The following TUT4 variants were observed in gnomAD, a reference collection of about 807,000 sequenced individuals.
The protein encoded by TUT4 is terminal uridylyl transferase 4, also known as terminal uridylyltransferase 4.
Under a neutral mutation model 192.2 loss-of-function variants are expected in TUT4, and 36 were observed. That is an observed-to-expected ratio of 0.19 (90% CI 0.14 to 0.25). The LOEUF is 0.25. Ranked by LOEUF, TUT4 falls within the 10% of genes least tolerant of loss-of-function variation. The pLI is 1.00. For synonymous variants in TUT4, 618 were observed against 666.0 expected (o/e 0.93, Z 1.11); for missense variants, 1,493 against 1,957.2 (o/e 0.76, Z 4.47).
At chr1:52,519,447 A>G (rs550293885) in intron 2 of TUT4, among the ~76,000 whole-genome samples, 35 of 152,060 alleles carry the variant, frequency 2.3e-4, no homozygotes, top group Non-Finnish European at 4.7e-4. Flanking sequence ...TAGTGATGGC[A>G]GCGCAATTTT....
At chr1:52,538,062 C>A (rs1040725018) in intron 1 of TUT4, among the ~76,000 whole-genome samples, 1 of 152,002 alleles carries the variant, frequency 6.6e-6, no homozygotes, top group Non-Finnish European at 1.5e-5. Flanking sequence ...ATGGTGAAAC[C>A]CCGTCTCTAC....
intron 24 of TUT4, among the ~76,000 whole-genome samples, chr1:52,443,364 G>A (rs1434269002): frequency 3.3e-5 from 5 of 151,504 alleles, no homozygotes; most frequent in African/African-American, 4.9e-5. Context: ...TGAGATGGGC[G>A]GATCACCTGA....
chr1:52,461,250 G>T (rs1273316850), intron 18 of TUT4, 27 bp from the exon 19 acceptor site: 2 of 1,566,164 alleles, frequency 1.3e-6, no homozygotes, highest in African/African-American at 1.4e-5. Flanking sequence ...TATTTGAAAG[G>T]ATTTCAAATT....
intron 1 of TUT4, among the ~76,000 whole-genome samples, chr1:52,543,334 C>T (rs114461564): frequency 0.033 from 5,058 of 152,066 alleles, 285 homozygotes; most frequent in African/African-American, 0.12. Context: ...ATTCCATTTA[C>T]AATACCATCA....
chr1:52,495,896 T>C (rs1383421245), intron 5 of TUT4, among the ~76,000 whole-genome samples: 1 of 152,136 alleles, frequency 6.6e-6, no homozygotes, highest in Admixed American at 6.6e-5. Context: ...GTAAGAGCAC[T>C]TTGGGGAAAG....
chr1:52,494,185 CTT>C lies in TUT4; in HGVS notation c.1267-525_1267-524del, dbSNP rs534153018. On this transcript the variant is annotated intron_variant, in intron 6 of 29. Coordinates refer to ENST00000257177, the MANE Select transcript of TUT4 (RefSeq NM_001009881.3). ...ATAGCACTTTTATTCCAGAAACACT[CTT>C]AGAATTAATGGTTTCTTAAAGCAAG... Among the ~76,000 whole-genome samples, 535 of 152,104 alleles carry C rather than the reference CTT, an allele frequency of 3.5e-3. 2 individuals are homozygous for C. The highest frequency in any genetic ancestry group is 0.01 in the Middle Eastern group (3 of 292).
intron 4 of TUT4, among the ~76,000 whole-genome samples, chr1:52,497,766 A>T (rs1672826171): frequency 1.3e-5 from 2 of 152,242 alleles, no homozygotes; most frequent in South Asian, 4.1e-4. Flanking sequence ...TTTCTGATTT[A>T]AAAAATGTTA....
chr1:52,446,026 G>T, intron 22 of TUT4, 22 bp from the exon 23 acceptor site: 1 of 1,588,686 alleles, frequency 6.3e-7, no homozygotes, highest in Non-Finnish European at 8.6e-7. Flanking sequence ...ATATATCAAT[G>T]ATTAAGAATT....
chr1:52,491,513 C>A (rs187833756), intron 7 of TUT4, among the ~76,000 whole-genome samples: 20 of 152,020 alleles, frequency 1.3e-4, no homozygotes, highest in Admixed American at 3.3e-4. Flanking sequence ...GATGGTGAAA[C>A]CTCGTCTCTA....
chr1:52,423,801 AT>A lies in TUT4; in HGVS notation c.*133del. The A allele has an allele frequency of 1.3e-6, 2 of 1,543,476 alleles. No homozygotes were observed. The highest frequency in any genetic ancestry group is 2.4e-5 in the South Asian group (2 of 83,346). The stretch of plus-strand genomic sequence containing the variant: ...TGTTAAAATTTTAAATCAGGACCTG[AT>A]TTGTTTTGCTTTCCATTAAATGTCA... On this transcript the variant is annotated 3_prime_UTR_variant, in exon 30 of 30. Transcript: ENST00000257177.
intron 29 of TUT4, 44 bp from the exon 30 acceptor site, chr1:52,424,046 G>A (rs59098863): frequency 6.4e-7 from 1 of 1,566,432 alleles, no homozygotes; most frequent in Non-Finnish European, 8.7e-7. Context: ...GCTTGTGCCT[G>A]TTTATCTGAC....
At position 52,545,572 on chromosome 1, in the gene TUT4, G is replaced by A. The variant is rs570338362; in HGVS notation, c.-94+7359C>T. On this transcript the variant is annotated intron_variant, in intron 1 of 29. Transcript: ENST00000257177. Reference sequence around the variant, plus strand: ...AAGATATACAGACGGCCACAAGCACGTGAAAAGATGCTGAATATCACTAAT... The same window carrying A: ...AAGATATACAGACGGCCACAAGCACATGAAAAGATGCTGAATATCACTAAT... Among the ~76,000 whole-genome samples, 8 of 152,156 alleles carry A rather than the reference G, an allele frequency of 5.3e-5. No individual in the cohort carries two copies. The East Asian group carries it at 1.4e-3, about 26-fold the overall frequency.
At chr1:52,457,480 C>T (rs564935518) in intron 20 of TUT4, among the ~76,000 whole-genome samples, 49 of 152,030 alleles carry the variant, frequency 3.2e-4, no homozygotes, top group African/African-American at 9.6e-4. Flanking sequence ...GTGATCTGCC[C>T]GCCTCGGCCT....
intron 4 of TUT4, among the ~76,000 whole-genome samples, chr1:52,500,248 T>C (rs1315888439): frequency 6.6e-6 from 1 of 152,132 alleles, no homozygotes; most frequent in African/African-American, 2.4e-5. Context: ...CTGGGAAAAC[T>C]GAATATCTAC....
chr1:52,520,231 C>T (rs1197766986), intron 2 of TUT4, among the ~76,000 whole-genome samples: 1 of 152,160 alleles, frequency 6.6e-6, no homozygotes, highest in Non-Finnish European at 1.5e-5. Context: ...GGGAGTGTCA[C>T]AGATCGTGTA....
rs750687658 is a variant in TUT4 at position 52,431,220 on chromosome 1, G to T, written c.4504C>A (p.Pro1502Thr). 113 of 1,614,218 alleles carry T rather than the reference G, an allele frequency of 7.0e-5. 1 individual carries two copies. The Middle Eastern group carries it at 5.6e-3, about 80-fold the overall frequency. ...GLLPMHPLQI[P>T]APSWPIHGPV... Reference sequence around the variant, plus strand: ...CCATGGATGGGCCAGGACGGGGCAGGGATCTGGAGAGGGTGCATTGGCAAC... The same window carrying T: ...CCATGGATGGGCCAGGACGGGGCAGTGATCTGGAGAGGGTGCATTGGCAAC... Residue 1502 changes from proline (P) to threonine (T), a missense_variant, in exon 28 of 30, where the codon CCT becomes ACT. Physicochemically the swap from Pro to Thr is conservative, Grantham distance 38 (BLOSUM62 -1). This residue lies in a region of TUT4 where 351 missense variants were observed against 397.8 expected (regional missense o/e 0.88). Coordinates refer to ENST00000257177, the MANE Select transcript of TUT4 (RefSeq NM_001009881.3).
intron 14 of TUT4, among the ~76,000 whole-genome samples, chr1:52,469,891 C>CAAA (rs773732659): frequency 4.3e-5 from 3 of 69,160 alleles, no homozygotes; most frequent in Admixed American, 1.6e-4. Context: ...ACTCAGTCTC[C>CAAA]AAAAAAAAAA....
intron 24 of TUT4, among the ~76,000 whole-genome samples, chr1:52,445,057 GTATATA>G (rs1255014290): frequency 6.6e-6 from 1 of 150,918 alleles, no homozygotes; most frequent in African/African-American, 2.4e-5. Context: ...GTGTGTCTGT[GTATATA>G]TATAATAGGA....
rs1339295422 is a variant in TUT4 at position 52,475,292 on chromosome 1, A to G, written c.2267T>C (p.Ile756Thr). ...AACAGGTTGCTCTCTTTCTGCATTT[A>G]TTTTTTCTGTGGTTTCCCCAAGCAG... ...CILLGETTEK[I>T]NAEREQPVQC... Residue 756 changes from isoleucine to threonine, a missense_variant, in exon 13 of 30, where the codon ATA becomes ACA. By Grantham distance (89) the Ile-to-Thr change is moderately conservative. Coordinates refer to ENST00000257177, the MANE Select transcript of TUT4 (RefSeq NM_001009881.3). The G allele has an allele frequency of 1.9e-6, 3 of 1,613,806 alleles. No individual in the cohort carries two copies. Among genetic ancestry groups the G allele is most frequent in the Non-Finnish European group, 2.5e-6 (3 of 1,179,936 alleles).
Sources: gnomAD v4.1 joint callset for allele counts (sites outside exome capture counted in the v4.1 genomes callset) on GRCh38, gnomAD v4.1.1 for gene constraint, gnomAD v4.1.1 regional missense constraint, MANE v1.5 for transcripts, NCBI Gene and HGNC (gene_info 2026-07-23, HGNC 2026-07-21) for gene names.